KCNAB1: variants seen among roughly 807,000 people sequenced by gnomAD.
KCNAB1 encodes the protein potassium voltage-gated channel subfamily A regulatory beta subunit 1.
Under a neutral mutation model 64.6 loss-of-function variants are expected in KCNAB1, and 35 were observed. The ratio of observed to expected loss-of-function variants is 0.54; its 90% CI spans 0.41 to 0.72. The LOEUF (loss-of-function observed/expected upper bound fraction) is 0.72, where lower values mean the gene tolerates loss of function less well. Among genes scored for constraint, KCNAB1 ranks in the 30% least tolerant of loss-of-function variants. The pLI, the probability that KCNAB1 is intolerant of heterozygous loss-of-function variation, is 0.00. For synonymous variants in KCNAB1, 177 were observed against 183.8 expected, an observed-to-expected ratio of 0.96 and a Z score of 0.30; for missense variants, 401 against 512.9, an observed-to-expected ratio of 0.78 and a Z score of 2.11.
intron 7 of KCNAB1, among the ~76,000 whole-genome samples, chr3:156,468,398 C>A (rs1713596543): frequency 6.6e-6 from 1 of 151,778 alleles, no homozygotes; most frequent in African/African-American, 2.4e-5. Context: ...ATTAAATCAC[C>A]CCATTGTTTC....
chr3:156,472,064 T>C (rs1209389383), intron 7 of KCNAB1, among the ~76,000 whole-genome samples: 1 of 152,176 alleles, frequency 6.6e-6, no homozygotes, highest in Non-Finnish European at 1.5e-5. Flanking sequence ...GAGCTCCATG[T>C]AGTGACTGAG....
chr3:156,506,614 T>C (rs2108377454), intron 8 of KCNAB1, among the ~76,000 whole-genome samples: 1 of 152,316 alleles, frequency 6.6e-6, no homozygotes, highest in Admixed American at 6.5e-5. Flanking sequence ...AGCTCCATTC[T>C]TGGGTCGGAG....
At chr3:156,127,220 A>G (rs746379121) in intron 1 of KCNAB1, among the ~76,000 whole-genome samples, 8 of 152,256 alleles carry the variant, frequency 5.3e-5, no homozygotes, top group Non-Finnish European at 1.0e-4. Flanking sequence ...GAAGTGAGCT[A>G]CAATGGAATA....
chr3:156,522,970 G>T (rs1180858037), intron 11 of KCNAB1, among the ~76,000 whole-genome samples: 9 of 152,140 alleles, frequency 5.9e-5, no homozygotes, highest in African/African-American at 1.9e-4. Flanking sequence ...TTAAGTGCTC[G>T]CTTTATGTAG....
chr3:156,395,496 G>C (rs1342784313), intron 1 of KCNAB1, among the ~76,000 whole-genome samples: 1 of 120,980 alleles, frequency 8.3e-6, no homozygotes, highest in Non-Finnish European at 1.6e-5. Flanking sequence ...AGTGAGCCGA[G>C]ATCCCGCCAC....
rs6441041 is a variant in KCNAB1, at chr3:156,173,238, G to A, written c.275+52352G>A. On this transcript the variant is annotated intron_variant, in intron 1 of 13. Coordinates refer to ENST00000490337, the MANE Select transcript of KCNAB1 (RefSeq NM_172160.3). ...GACTCAGCACTTTTCTTCTTAAGAA[G>A]CTCAGCCCTGATTTCACTCTCAGGG... 9.4e-3 allele frequency among the ~76,000 whole-genome samples: 1,437 copies of A among 152,260 alleles called. 6 individuals are homozygous for A. Among genetic ancestry groups the A allele is most frequent in the Non-Finnish European group, 0.015 (1,040 of 68,022 alleles).
chr3:156,252,784 C>G (rs1560159630), intron 1 of KCNAB1, among the ~76,000 whole-genome samples: 2 of 152,194 alleles, frequency 1.3e-5, no homozygotes, highest in Non-Finnish European at 2.9e-5. Context: ...CAGGAGCTTA[C>G]ACGGGGACTT....
intron 1 of KCNAB1, among the ~76,000 whole-genome samples, chr3:156,296,304 A>G (rs968524933): frequency 7.2e-5 from 11 of 152,150 alleles, no homozygotes; most frequent in Admixed American, 2.0e-4. Context: ...AGTGTTTGAC[A>G]TGGTCTCAGA....
At chr3:156,212,688 G>A (rs1039619778) in intron 1 of KCNAB1, among the ~76,000 whole-genome samples, 3 of 152,132 alleles carry the variant, frequency 2.0e-5, no homozygotes, top group African/African-American at 7.2e-5. Flanking sequence ...TTGATGATTG[G>A]GTTAAAATCA....
intron 1 of KCNAB1, among the ~76,000 whole-genome samples, chr3:156,148,859 C>CTT (rs11360855): frequency 6.8e-6 from 1 of 146,926 alleles, no homozygotes; most frequent in Non-Finnish European, 1.5e-5. Context: ...CATTTTCTTT[C>CTT]TTTTTTTTTT....
intron 1 of KCNAB1, among the ~76,000 whole-genome samples, chr3:156,347,543 A>G (rs557831918): frequency 6.6e-6 from 1 of 152,328 alleles, no homozygotes; most frequent in East Asian, 1.9e-4. Context: ...TAAAAAACTC[A>G]TCCACCAGTT....
At chr3:156,174,943 T>A (rs888823049) in intron 1 of KCNAB1, among the ~76,000 whole-genome samples, 12 of 152,184 alleles carry the variant, frequency 7.9e-5, no homozygotes, top group African/African-American at 2.9e-4. Context: ...CAAGTGGAAT[T>A]CTTCAGGGAA....
chr3:156,254,998 C>T (rs1718021160), intron 1 of KCNAB1, among the ~76,000 whole-genome samples: 1 of 152,184 alleles, frequency 6.6e-6, no homozygotes. Context: ...GATTAATTAG[C>T]AGGCTCCCTC....
chr3:156,163,243 C>CTCA (rs1412880455), intron 1 of KCNAB1, among the ~76,000 whole-genome samples: 2 of 152,138 alleles, frequency 1.3e-5, no homozygotes, highest in Non-Finnish European at 2.9e-5. Context: ...ATAAAACAGC[C>CTCA]TCATCATCCA....
intron 1 of KCNAB1, among the ~76,000 whole-genome samples, chr3:156,363,156 T>G (rs1181013085): frequency 6.6e-6 from 1 of 152,262 alleles, no homozygotes; most frequent in East Asian, 1.9e-4. Flanking sequence ...AGATCACATT[T>G]GAAATTAATG....
At chr3:156,139,240 T>A (rs1714550951) in intron 1 of KCNAB1, among the ~76,000 whole-genome samples, 1 of 152,244 alleles carries the variant, frequency 6.6e-6, no homozygotes, top group East Asian at 1.9e-4. Flanking sequence ...GACATTGACC[T>A]GCTTTTAGAA....
At chr3:156,478,608 T>A (rs1714553470) in intron 8 of KCNAB1, among the ~76,000 whole-genome samples, 1 of 152,178 alleles carries the variant, frequency 6.6e-6, no homozygotes, top group Non-Finnish European at 1.5e-5. Context: ...GTGCCCACAA[T>A]GAGCATCGCT....
intron 1 of KCNAB1, among the ~76,000 whole-genome samples, chr3:156,145,601 CTA>C (rs1714992729): frequency 6.6e-6 from 1 of 152,032 alleles, no homozygotes. Context: ...GGGACCATGG[CTA>C]TGTTAAAAAA....
At chr3:156,153,813 G>T (rs970521025) in intron 1 of KCNAB1, among the ~76,000 whole-genome samples, 6 of 152,190 alleles carry the variant, frequency 3.9e-5, no homozygotes, top group Non-Finnish European at 8.8e-5. Context: ...TGAATCTCAG[G>T]CCTTCAGATT....
Sources: allele counts gnomAD v4.1 joint callset (sites outside exome capture counted in the v4.1 genomes callset), GRCh38; gene constraint gnomAD v4.1.1; transcripts MANE v1.5; gene names NCBI Gene and HGNC (gene_info 2026-07-23, HGNC 2026-07-21).